XRCC4: variants seen among roughly 807,000 people sequenced by gnomAD.
XRCC4 encodes DNA repair protein XRCC4.
XRCC4 carries 28 observed loss-of-function variants against 39.1 expected under a neutral mutation model. The observed-to-expected ratio is 0.72, with a 90% CI of 0.53 to 0.98. XRCC4 has a LOEUF of 0.98. Ranked by LOEUF, XRCC4 falls within the 50% of genes least tolerant of loss-of-function variation. The pLI is 0.00. For synonymous variants in XRCC4, 123 were observed against 126.4 expected (o/e 0.97, Z 0.18); for missense variants, 350 against 376.4 (o/e 0.93, Z 0.58).
At chr5:83,344,051 A>G (rs1038333266) in intron 7 of XRCC4, among the ~76,000 whole-genome samples, 1 of 152,046 alleles carries the variant, frequency 6.6e-6, no homozygotes, top group Non-Finnish European at 1.5e-5. Flanking sequence ...AATAAGATCC[A>G]GAACCATTCT....
At chr5:83,107,576 A>G (rs753426903) in intron 2 of XRCC4, among the ~76,000 whole-genome samples, 6 of 151,916 alleles carry the variant, frequency 3.9e-5, no homozygotes, top group Non-Finnish European at 8.8e-5. Flanking sequence ...CATGTGGTCT[A>G]TCATCACATC....
the XRCC4 span, among the ~76,000 whole-genome samples, chr5:83,360,412 G>C: frequency 7.2e-5 from 11 of 152,088 alleles, no homozygotes; most frequent in Non-Finnish European, 1.3e-4. Context: ...TGCTGAAAGA[G>C]GTATAATACA....
intron 1 of XRCC4, among the ~76,000 whole-genome samples, chr5:83,085,839 T>C (rs897791975): frequency 2.0e-5 from 3 of 152,226 alleles, no homozygotes; most frequent in African/African-American, 7.2e-5. Flanking sequence ...CTGACAAGCA[T>C]GTCTCAGTAG....
At chr5:83,241,398 A>G (rs937961238) in intron 6 of XRCC4, among the ~76,000 whole-genome samples, 2 of 152,140 alleles carry the variant, frequency 1.3e-5, no homozygotes, top group Admixed American at 6.5e-5. Context: ...TTTTACACAA[A>G]TCTATCTTTT....
At chr5:83,175,897 C>T (rs564479867) in intron 3 of XRCC4, among the ~76,000 whole-genome samples, 36 of 152,294 alleles carry the variant, frequency 2.4e-4, no homozygotes, top group African/African-American at 8.2e-4. Flanking sequence ...GCGTGAGCCA[C>T]CATTGCCCGG....
intron 6 of XRCC4, among the ~76,000 whole-genome samples, chr5:83,211,385 G>A (rs1223114611): frequency 6.6e-6 from 1 of 152,200 alleles, no homozygotes; most frequent in Admixed American, 6.5e-5. Context: ...TAGAAGTAAT[G>A]ATCTTGGTGT....
At chr5:83,179,350 T>A (rs1052113685) in intron 3 of XRCC4, among the ~76,000 whole-genome samples, 1 of 152,158 alleles carries the variant, frequency 6.6e-6, no homozygotes, top group Non-Finnish European at 1.5e-5. Context: ...CTCTCTTTTT[T>A]AAATATGAGG....
intron 3 of XRCC4, among the ~76,000 whole-genome samples, chr5:83,184,059 TA>T (rs920549306): frequency 6.6e-5 from 10 of 152,204 alleles, no homozygotes; most frequent in Admixed American, 3.3e-4. Flanking sequence ...AAGTAAAGTT[TA>T]AAAAAATTTT....
the XRCC4 span, among the ~76,000 whole-genome samples, chr5:83,371,722 C>T: frequency 6.6e-6 from 1 of 151,982 alleles, no homozygotes; most frequent in African/African-American, 2.4e-5. Flanking sequence ...AAAAGTTGTG[C>T]CATGATAAAA....
intron 3 of XRCC4, among the ~76,000 whole-genome samples, chr5:83,192,070 G>A (rs891419628): frequency 6.7e-6 from 1 of 149,206 alleles, no homozygotes; most frequent in African/African-American, 2.4e-5. Context: ...TTTTTAATGC[G>A]GATTAAATTT....
intron 6 of XRCC4, among the ~76,000 whole-genome samples, chr5:83,241,009 G>T (rs934382065): frequency 6.6e-5 from 10 of 152,112 alleles, no homozygotes; most frequent in African/African-American, 2.4e-4. Context: ...GCCGAGACGG[G>T]CGGATCAGTT....
At chr5:83,270,232 T>A (rs542596988) in intron 7 of XRCC4, among the ~76,000 whole-genome samples, 5 of 152,168 alleles carry the variant, frequency 3.3e-5, no homozygotes, top group African/African-American at 1.2e-4. Context: ...CAGATGAAGC[T>A]TACTTACTCA....
At chr5:83,307,719 C>T (rs371999083) in intron 7 of XRCC4, among the ~76,000 whole-genome samples, 2 of 152,216 alleles carry the variant, frequency 1.3e-5, no homozygotes, top group African/African-American at 4.8e-5. Flanking sequence ...GAGCAGAAAG[C>T]ATTTATTTTT....
intron 7 of XRCC4, among the ~76,000 whole-genome samples, chr5:83,351,506 G>C (rs1446696427): frequency 6.6e-6 from 1 of 152,108 alleles, no homozygotes; most frequent in East Asian, 1.9e-4. Flanking sequence ...AACGTGTTTT[G>C]AGTTGACAAT....
chr5:83,251,043 G>A (rs1348377590), intron 6 of XRCC4, among the ~76,000 whole-genome samples: 1 of 152,128 alleles, frequency 6.6e-6, no homozygotes, highest in Non-Finnish European at 1.5e-5. Flanking sequence ...CATGCTTGTA[G>A]TGTCTTCTGG....
At chr5:83,130,296 C>G (rs552198718) in intron 3 of XRCC4, among the ~76,000 whole-genome samples, 14 of 152,290 alleles carry the variant, frequency 9.2e-5, no homozygotes, top group Admixed American at 7.2e-4. Context: ...ATTGAACCAG[C>G]CTTGCATCCC....
intron 7 of XRCC4, 149 bp downstream of exon 7, chr5:83,258,826 T>G (rs1477837084): frequency 1.0e-6 from 1 of 988,082 alleles, no homozygotes; most frequent in East Asian, 2.8e-5. Flanking sequence ...TGAATCAATG[T>G]ATTGTTTCAG....
intron 3 of XRCC4, among the ~76,000 whole-genome samples, chr5:83,165,856 C>T (rs1231938328): frequency 6.6e-6 from 1 of 151,144 alleles, no homozygotes; most frequent in African/African-American, 2.4e-5. Context: ...GTGTATGTAC[C>T]ACATTTTTCT....
chr5:83,114,455 G>A (rs1561335789), intron 3 of XRCC4, among the ~76,000 whole-genome samples: 1 of 152,152 alleles, frequency 6.6e-6, no homozygotes, highest in East Asian at 1.9e-4. Flanking sequence ...TTTCTCTCAA[G>A]TTGAAAGTTC....
Sources: allele counts gnomAD v4.1 joint callset (sites outside exome capture counted in the v4.1 genomes callset), GRCh38; gene constraint gnomAD v4.1.1; transcripts MANE v1.5; gene names NCBI Gene and HGNC (gene_info 2026-07-23, HGNC 2026-07-21).